GRID2: variants seen among roughly 807,000 people sequenced by gnomAD.
GRID2 encodes the protein glutamate ionotropic receptor delta type subunit 2.
In GRID2, 33 loss-of-function variants were observed where a neutral mutation model predicts 114.8. The observed-to-expected ratio is 0.29, with a 90% CI of 0.22 to 0.38. GRID2 has a LOEUF of 0.38. Among genes scored for constraint, GRID2 ranks in the 10% least tolerant of loss-of-function variants. The pLI, the probability that GRID2 is intolerant of heterozygous loss-of-function variation, is 1.00. For synonymous variants in GRID2, 505 were observed against 449.9 expected, an observed-to-expected ratio of 1.12 and a Z score of -1.55; for missense variants, 1,184 against 1,257.7, an observed-to-expected ratio of 0.94 and a Z score of 0.89.
At chr4:93,786,119 A>C (rs1252578716) in intron 1 of GRID2, among the ~76,000 whole-genome samples, 3 of 152,220 alleles carry the variant, frequency 2.0e-5, no homozygotes, top group Non-Finnish European at 4.4e-5. Context: ...AGAGTATTTC[A>C]ATAGGGAGTG....
At chr4:93,141,063 C>G (rs1735727307) in intron 4 of GRID2, among the ~76,000 whole-genome samples, 1 of 152,030 alleles carries the variant, frequency 6.6e-6, no homozygotes, top group Non-Finnish European at 1.5e-5. Flanking sequence ...TAAGTTTTCC[C>G]ATTTTCCATA....
intron 2 of GRID2, among the ~76,000 whole-genome samples, chr4:93,005,499 A>C (rs920297792): frequency 1.4e-4 from 22 of 152,036 alleles, no homozygotes; most frequent in Non-Finnish European, 1.5e-5. Context: ...TCTTTTCAAA[A>C]TGGATACTTT....
intron 2 of GRID2, among the ~76,000 whole-genome samples, chr4:92,765,956 T>C (rs184197891): frequency 6.6e-5 from 10 of 152,276 alleles, no homozygotes; most frequent in Admixed American, 2.0e-4. Context: ...TATTTTGATA[T>C]ACACTTCTGT....
intron 1 of GRID2, among the ~76,000 whole-genome samples, chr4:92,497,245 G>A (rs1465241090): frequency 1.1e-4 from 16 of 151,784 alleles, no homozygotes. Flanking sequence ...TTTATGGAAT[G>A]CCACTTAGTA....
chr4:92,520,818 A>G (rs893847210), intron 1 of GRID2, among the ~76,000 whole-genome samples: 1 of 151,894 alleles, frequency 6.6e-6, no homozygotes, highest in African/African-American at 2.4e-5. Flanking sequence ...TGTCTCAATC[A>G]ACATAGAAGC....
chr4:93,075,883 C>CTCTCTT (rs1490779668), intron 2 of GRID2, among the ~76,000 whole-genome samples: 2 of 76,606 alleles, frequency 2.6e-5, no homozygotes, highest in African/African-American at 1.1e-4. Context: ...AGTTACCTCT[C>CTCTCTT]TTTTTTTTTT....
At chr4:93,414,832 T>G (rs528462824) in intron 9 of GRID2, among the ~76,000 whole-genome samples, 1 of 152,002 alleles carries the variant, frequency 6.6e-6, no homozygotes, top group Non-Finnish European at 1.5e-5. Flanking sequence ...AACACTCTTT[T>G]GAATGACTGA....
At chr4:92,606,523 G>A (rs562629171) in intron 2 of GRID2, among the ~76,000 whole-genome samples, 1 of 152,070 alleles carries the variant, frequency 6.6e-6, no homozygotes, top group East Asian at 1.9e-4. Flanking sequence ...GTTGTCTTAA[G>A]CTGACTGTAC....
chr4:92,569,278 C>T (rs1727495469), intron 1 of GRID2, among the ~76,000 whole-genome samples: 1 of 152,100 alleles, frequency 6.6e-6, no homozygotes, highest in Non-Finnish European at 1.5e-5. Flanking sequence ...CAGCTCCATC[C>T]ATGTCCATGC....
intron 8 of GRID2, among the ~76,000 whole-genome samples, chr4:93,379,572 C>T (rs1288789027): frequency 3.9e-5 from 6 of 152,104 alleles, no homozygotes; most frequent in South Asian, 4.2e-4. Context: ...ATAATAATCC[C>T]GCTACATATT....
At chr4:93,058,240 T>C (rs1463123878) in intron 2 of GRID2, among the ~76,000 whole-genome samples, 1 of 152,006 alleles carries the variant, frequency 6.6e-6, no homozygotes, top group Non-Finnish European at 1.5e-5. Context: ...ACAGTGTGCA[T>C]TAATTTAAAG....
At chr4:93,499,342 C>A (rs1289262650) in intron 12 of GRID2, among the ~76,000 whole-genome samples, 2 of 151,880 alleles carry the variant, frequency 1.3e-5, no homozygotes, top group Non-Finnish European at 2.9e-5. Flanking sequence ...AGACTGTTAC[C>A]TTCTCCCATC....
chr4:92,582,136 A>G (rs952430506), intron 1 of GRID2, among the ~76,000 whole-genome samples: 1 of 152,046 alleles, frequency 6.6e-6, no homozygotes, highest in Non-Finnish European at 1.5e-5. Context: ...CAATTTGAAT[A>G]TTATAGACCT....
chr4:93,675,333 A>C (rs12644516), intron 14 of GRID2, among the ~76,000 whole-genome samples: 50,736 of 152,042 alleles, frequency 0.33, 8,722 homozygotes, highest in East Asian at 0.6. Context: ...CTATCACATA[A>C]AATCATTTAT....
intron 8 of GRID2, among the ~76,000 whole-genome samples, chr4:93,347,639 T>A (rs756687215): frequency 1.3e-5 from 2 of 152,156 alleles, no homozygotes; most frequent in African/African-American, 2.4e-5. Context: ...TGCCAGTTAT[T>A]CATATAAGCG....
At chr4:92,661,720 T>G (rs1732528623) in intron 2 of GRID2, among the ~76,000 whole-genome samples, 1 of 151,026 alleles carries the variant, frequency 6.6e-6, no homozygotes, top group Non-Finnish European at 1.5e-5. Context: ...ATTTTTCTGT[T>G]GTCTTAATGA....
intron 4 of GRID2, among the ~76,000 whole-genome samples, chr4:93,133,193 T>G (rs1451579566): frequency 6.6e-6 from 1 of 152,172 alleles, no homozygotes; most frequent in African/African-American, 2.4e-5. Flanking sequence ...TATATTATAC[T>G]CCTCACTATT....
intron 2 of GRID2, among the ~76,000 whole-genome samples, chr4:92,672,177 C>T (rs912814791): frequency 6.6e-6 from 1 of 152,030 alleles, no homozygotes; most frequent in African/African-American, 2.4e-5. Context: ...GTCCATCACC[C>T]ACCTTCAAAA....
At chr4:93,167,555 C>G (rs994051353) in intron 4 of GRID2, among the ~76,000 whole-genome samples, 3 of 152,118 alleles carry the variant, frequency 2.0e-5, no homozygotes, top group African/African-American at 7.2e-5. Flanking sequence ...TGCAACACAA[C>G]CACCACCACC....
Sources: allele counts gnomAD v4.1 joint callset (sites outside exome capture counted in the v4.1 genomes callset), GRCh38; gene constraint gnomAD v4.1.1; transcripts MANE v1.5; gene names NCBI Gene and HGNC (gene_info 2026-07-23, HGNC 2026-07-21).